Variants in PCDHA13 observed in about 807,000 individuals in gnomAD.
PCDHA13 encodes the protein protocadherin alpha-13.
In PCDHA13, 54 loss-of-function variants were observed where a neutral mutation model predicts 64.8. The observed-to-expected ratio is 0.83, with a 90% CI of 0.67 to 1.04. The LOEUF (loss-of-function observed/expected upper bound fraction) is 1.04, where lower values mean the gene tolerates loss of function less well. Among genes scored for constraint, PCDHA13 ranks in the 50% least tolerant of loss-of-function variants. PCDHA13 has a pLI of 0.00. For synonymous variants in PCDHA13, 587 were observed against 564.4 expected (o/e 1.04, Z -0.57); for missense variants, 1,248 against 1,254.3 (o/e 0.99, Z 0.08).
intron 1 of PCDHA13, among the ~76,000 whole-genome samples, chr5:140,895,467 T>A (rs1201680855): frequency 6.6e-6 from 1 of 152,204 alleles, no homozygotes. Flanking sequence ...CATTTCTTTA[T>A]CCTCTTCGGA....
chr5:140,933,359 C>G (rs2089088301), intron 1 of PCDHA13, among the ~76,000 whole-genome samples: 1 of 151,832 alleles, frequency 6.6e-6, no homozygotes, highest in Non-Finnish European at 1.5e-5. Context: ...TATTTCTAAC[C>G]CATCCCAAAT....
At chr5:140,990,084 C>T (rs31873) in intron 3 of PCDHA13, among the ~76,000 whole-genome samples, 3,615 of 152,028 alleles carry the variant, frequency 0.024, 147 homozygotes, top group African/African-American at 0.081. Flanking sequence ...ACAAAGGATG[C>T]TTGTGCTACT....
intron 1 of PCDHA13, among the ~76,000 whole-genome samples, chr5:140,945,480 C>A (rs2093795468): frequency 6.6e-6 from 1 of 151,728 alleles, no homozygotes; most frequent in South Asian, 2.1e-4. Context: ...CACAAAACAC[C>A]CCAAATACCC....
chr5:140,933,388 GCCATCTGGTTA>G (rs1563137793), intron 1 of PCDHA13, among the ~76,000 whole-genome samples: 2 of 151,906 alleles, frequency 1.3e-5, no homozygotes, highest in Non-Finnish European at 2.9e-5. Context: ...TGTTCCTAGA[GCCATCTGGTTA>G]CCATCTACAG....
intron 1 of PCDHA13, among the ~76,000 whole-genome samples, chr5:140,896,899 C>T (rs191660343): frequency 1.4e-4 from 21 of 152,112 alleles, no homozygotes; most frequent in Admixed American, 1.4e-3. Flanking sequence ...CATTTTGATA[C>T]AAGCATGCAA....
At chr5:140,997,566 T>G (rs1366934494) in intron 3 of PCDHA13, among the ~76,000 whole-genome samples, 1 of 152,208 alleles carries the variant, frequency 6.6e-6, no homozygotes, top group Non-Finnish European at 1.5e-5. Context: ...AACTGTCATA[T>G]GTGTGGTCCG....
At chr5:140,971,632 A>G (rs1228797401) in intron 1 of PCDHA13, among the ~76,000 whole-genome samples, 2 of 152,158 alleles carry the variant, frequency 1.3e-5, no homozygotes, top group Admixed American at 6.5e-5. Context: ...AATTAGTACC[A>G]TGTGCCTACA....
intron 1 of PCDHA13, among the ~76,000 whole-genome samples, chr5:140,918,586 G>A (rs2078766446): frequency 6.6e-6 from 1 of 152,188 alleles, no homozygotes; most frequent in South Asian, 2.1e-4. Context: ...TTGGCTATAT[G>A]TTCTATAGAT....
rs200436467 is a variant in PCDHA13 at position 140,883,790 on chromosome 5, G to A, written c.1522G>A (p.Val508Met). 640 of 1,612,406 alleles carry A rather than the reference G, an allele frequency of 4.0e-4. No individual in the cohort carries two copies. The highest frequency in any genetic ancestry group is 5.2e-4 in the Non-Finnish European group (616 of 1,179,760). ...RVGERALSSY[V>M]SVHAESGKVY... ...GGGCGAGCGTGCGCTGTCGAGCTAC[G>A]TGTCGGTGCACGCGGAGAGCGGCAA... is the stretch of plus-strand genomic sequence containing the variant. The change falls in exon 1 of 4, where the codon GTG becomes ATG. Residue 508 changes from valine (V) to methionine (M), a missense_variant. Transcript: ENST00000289272.
At chr5:140,927,478 C>A (rs959432734) in intron 1 of PCDHA13, 1 of 1,614,062 alleles carries the variant, frequency 6.2e-7, no homozygotes, top group Non-Finnish European at 8.5e-7. Context: ...TCGCGAACAG[C>A]GCGCCACCCA....
At chr5:140,941,210 TCTTC>T (rs1480454721) in intron 1 of PCDHA13, among the ~76,000 whole-genome samples, 2,917 of 100,514 alleles carry the variant, frequency 0.029, 68 homozygotes, top group South Asian at 0.045. Flanking sequence ...TTCCTTTCTT[TCTTC>T]CTTTCTTTCT....
At chr5:140,960,065 C>G (rs953730101) in intron 1 of PCDHA13, among the ~76,000 whole-genome samples, 1 of 152,120 alleles carries the variant, frequency 6.6e-6, no homozygotes, top group Non-Finnish European at 1.5e-5. Flanking sequence ...ACAGAAGATT[C>G]AATTGAAGTT....
chr5:140,917,154 T>C (rs1415714785), intron 1 of PCDHA13, among the ~76,000 whole-genome samples: 2 of 152,112 alleles, frequency 1.3e-5, no homozygotes, highest in East Asian at 1.9e-4. Flanking sequence ...TGCTGGGGGA[T>C]ATGGGAGGGG....
chr5:141,010,432 C>CA lies in PCDHA13; in HGVS notation c.*498dup. ...AATTGGTACAAGGAAGGCAAGAAAA[C>CA]AAAGACAAATAAACAGCGGAAGTTA... On this transcript the variant is annotated 3_prime_UTR_variant, in exon 4 of 4. Transcript: ENST00000289272. 2.8e-6 allele frequency: 3 copies of CA among 1,056,970 alleles called. No homozygotes were observed. The highest frequency in any genetic ancestry group is 4.0e-6 in the Non-Finnish European group (3 of 756,282). The allele number at this position is 1,056,970 out of a possible 1,614,324, so 65.5% of individuals were successfully genotyped here.
intron 1 of PCDHA13, chr5:140,967,158 T>G (rs1586192830): frequency 6.2e-7 from 1 of 1,610,448 alleles, no homozygotes. Context: ...CCCGTGGCGG[T>G]GAGCGCCGTT....
intron 3 of PCDHA13, among the ~76,000 whole-genome samples, chr5:140,986,707 A>G (rs2097210304): frequency 6.6e-6 from 1 of 152,186 alleles, no homozygotes; most frequent in Admixed American, 6.5e-5. Flanking sequence ...AGCACTGCAG[A>G]AGATAACATT....
rs1563185469 is a variant in PCDHA13 at position 140,941,211 on chromosome 5, CTTCCTTT to C, written c.2395-37737_2395-37731del. On this transcript the variant is annotated intron_variant, in intron 1 of 3. Coordinates refer to ENST00000289272, the MANE Select transcript of PCDHA13 (RefSeq NM_018904.3). The stretch of plus-strand genomic sequence containing the variant: ...TTTTTTTTTCTTTCTTCCTTTCTTT[CTTCCTTT>C]CTTTCTTTCTTTCTTTCTTTCTTTC... Among the ~76,000 whole-genome samples, 1,009 of 129,652 alleles carry C rather than the reference CTTCCTTT, an allele frequency of 7.8e-3. 14 individuals are homozygous for C. Among genetic ancestry groups the C allele is most frequent in the Middle Eastern group, 0.036 (9 of 248 alleles). 85.1% of individuals were successfully genotyped at this position (129,652 alleles called of 152,430 possible).
chr5:140,957,954 T>G (rs2095401085), intron 1 of PCDHA13, among the ~76,000 whole-genome samples: 2 of 152,138 alleles, frequency 1.3e-5, no homozygotes, highest in Admixed American at 1.3e-4. Context: ...TTAAGACTAT[T>G]AATTCAGAGA....
chr5:140,923,183 C>G (rs2081208346), intron 1 of PCDHA13, among the ~76,000 whole-genome samples: 2 of 152,206 alleles, frequency 1.3e-5, no homozygotes, highest in South Asian at 4.1e-4. Context: ...TCAGATGCAT[C>G]TACTGCAGCA....
Sources: allele counts gnomAD v4.1 joint callset (sites outside exome capture counted in the v4.1 genomes callset), GRCh38; gene constraint gnomAD v4.1.1; transcripts MANE v1.5; gene names NCBI Gene and HGNC (gene_info 2026-07-23, HGNC 2026-07-21).